The following EYA2 variants were observed in gnomAD, a reference collection of about 807,000 sequenced individuals.
EYA2 encodes the protein protein phosphatase EYA2.
Under a neutral mutation model 69.2 loss-of-function variants are expected in EYA2, and 31 were observed. The observed-to-expected ratio is 0.45, with a 90% confidence interval of 0.34 to 0.60. The LOEUF is 0.60. Ranked by LOEUF, EYA2 falls within the 20% of genes least tolerant of loss-of-function variation. The probability of loss-of-function intolerance (pLI) is 0.02; values close to 1 mark genes in which losing one functional copy is unlikely to be tolerated. For missense variants in EYA2, 622 were observed against 701.2 expected (o/e 0.89, Z 1.28); for synonymous variants, 257 against 279.4 (o/e 0.92, Z 0.80).
chr20:47,187,682 G>A (rs1403581061), intron 15 of EYA2, among the ~76,000 whole-genome samples: 3 of 152,232 alleles, frequency 2.0e-5, no homozygotes, highest in Admixed American at 6.5e-5. Flanking sequence ...GATTACAAAC[G>A]TGGGCCACAG....
chr20:47,015,345 G>C (rs1375526874), intron 4 of EYA2, among the ~76,000 whole-genome samples: 1 of 152,224 alleles, frequency 6.6e-6, no homozygotes, highest in Non-Finnish European at 1.5e-5. Context: ...CATGGAATTA[G>C]TACCTATGCT....
chr20:47,026,740 T>C (rs1984109249), intron 5 of EYA2, among the ~76,000 whole-genome samples: 1 of 152,144 alleles, frequency 6.6e-6, no homozygotes, highest in South Asian at 2.1e-4. Context: ...GTGGGAACTG[T>C]AGCAAATTAG....
chr20:47,052,497 C>T (rs895005985), intron 5 of EYA2, among the ~76,000 whole-genome samples: 2 of 152,188 alleles, frequency 1.3e-5, no homozygotes, highest in African/African-American at 2.4e-5. Flanking sequence ...TACCCCAAGC[C>T]GACCTTTGTT....
intron 9 of EYA2, among the ~76,000 whole-genome samples, chr20:47,129,463 G>A (rs1010194148): frequency 1.3e-5 from 2 of 152,202 alleles, no homozygotes; most frequent in Admixed American, 6.5e-5. Flanking sequence ...GGAACAGCAT[G>A]TGCAAAGGCC....
At chr20:46,932,734 A>T (rs1266439513) in intron 1 of EYA2, among the ~76,000 whole-genome samples, 3 of 152,120 alleles carry the variant, frequency 2.0e-5, no homozygotes, top group Non-Finnish European at 4.4e-5. Flanking sequence ...AATACAAAAA[A>T]AATCAGCCAG....
chr20:47,152,652 A>G (rs1406898697), intron 10 of EYA2, among the ~76,000 whole-genome samples: 2 of 151,620 alleles, frequency 1.3e-5, no homozygotes, highest in Non-Finnish European at 1.5e-5. Context: ...CTCTACTAAT[A>G]ATACAAAAAT....
chr20:47,151,376 A>C (rs2033820152), intron 10 of EYA2, among the ~76,000 whole-genome samples: 1 of 151,860 alleles, frequency 6.6e-6, no homozygotes, highest in Admixed American at 6.5e-5. Context: ...ATCTCAAAAA[A>C]AAAAAGCTCT....
chr20:47,136,840 C>T (rs947584671), intron 9 of EYA2, among the ~76,000 whole-genome samples: 1 of 152,104 alleles, frequency 6.6e-6, no homozygotes, highest in Non-Finnish European at 1.5e-5. Context: ...GCAGTTCCAA[C>T]TCGAAACCTC....
intron 1 of EYA2, among the ~76,000 whole-genome samples, chr20:46,964,491 C>T (rs1979660298): frequency 1.3e-5 from 2 of 152,152 alleles, no homozygotes; most frequent in Admixed American, 1.3e-4. Context: ...TGGGAGGATC[C>T]TGGGAGGTTG....
At chr20:47,123,441 T>C (rs1169610213) in intron 9 of EYA2, among the ~76,000 whole-genome samples, 1 of 152,134 alleles carries the variant, frequency 6.6e-6, no homozygotes, top group Admixed American at 6.6e-5. Context: ...ACTGATGCTA[T>C]TTCAGTTATG....
chr20:47,059,018 G>A (rs974531121), intron 5 of EYA2, among the ~76,000 whole-genome samples: 6 of 152,186 alleles, frequency 3.9e-5, no homozygotes, highest in Admixed American at 3.9e-4. Context: ...ACAAACAAGA[G>A]AATATGCAAC....
At chr20:47,120,390 A>C (rs1361472750) in intron 9 of EYA2, among the ~76,000 whole-genome samples, 1 of 152,120 alleles carries the variant, frequency 6.6e-6, no homozygotes, top group Non-Finnish European at 1.5e-5. Context: ...AAAAGGGTTT[A>C]TTTTCAGTGC....
At chr20:47,002,982 G>A (rs74671237) in intron 3 of EYA2, among the ~76,000 whole-genome samples, 2,412 of 152,332 alleles carry the variant, frequency 0.016, 41 homozygotes, top group African/African-American at 0.045. Flanking sequence ...TGAGGCCTCA[G>A]GTGGAAGAGG....
intron 4 of EYA2, among the ~76,000 whole-genome samples, chr20:47,014,325 G>A (rs1039500984): frequency 2.6e-5 from 4 of 152,144 alleles, no homozygotes; most frequent in African/African-American, 9.7e-5. Flanking sequence ...GGATAAGAAG[G>A]AGGAAATTTC....
At chr20:46,921,746 G>A (rs1985189626) in intron 1 of EYA2, among the ~76,000 whole-genome samples, 1 of 152,216 alleles carries the variant, frequency 6.6e-6, no homozygotes, top group East Asian at 1.9e-4. Flanking sequence ...AAGATATGGA[G>A]GGCAAAAGAT....
At chr20:47,170,518 G>C (rs531858770) in intron 11 of EYA2, among the ~76,000 whole-genome samples, 6 of 151,964 alleles carry the variant, frequency 3.9e-5, no homozygotes, top group Admixed American at 2.0e-4. Context: ...GTGGTGGCGG[G>C]CGCCTGTAAT....
At chr20:47,066,165 C>A (rs950350033) in intron 5 of EYA2, among the ~76,000 whole-genome samples, 3 of 152,086 alleles carry the variant, frequency 2.0e-5, no homozygotes, top group Admixed American at 6.5e-5. Flanking sequence ...CATGGCAAAA[C>A]TCCATCTCTA....
intron 5 of EYA2, among the ~76,000 whole-genome samples, chr20:47,051,697 A>G (rs2030337322): frequency 6.6e-6 from 1 of 152,132 alleles, no homozygotes; most frequent in Non-Finnish European, 1.5e-5. Context: ...ATTATTTTAT[A>G]TATTTATGCA....
chr20:46,936,680 C>G (rs886085785), intron 1 of EYA2, among the ~76,000 whole-genome samples: 3 of 152,084 alleles, frequency 2.0e-5, no homozygotes, highest in African/African-American at 7.2e-5. Context: ...ACATCAGACT[C>G]AAACCCTTCT....
Sources: allele counts gnomAD v4.1 joint callset (sites outside exome capture counted in the v4.1 genomes callset), GRCh38; gene constraint gnomAD v4.1.1; transcripts MANE v1.5; gene names NCBI Gene and HGNC (gene_info 2026-07-23, HGNC 2026-07-21).